Variants in PAX5 observed in about 807,000 individuals in gnomAD.
PAX5 encodes paired box protein Pax-5.
A neutral mutation model predicts 43.7 loss-of-function variants in PAX5; 9 were observed. That is an observed-to-expected ratio of 0.21 (90% CI 0.12 to 0.36). The LOEUF is 0.36. PAX5 is among the 10% of genes least tolerant of loss of function. PAX5 has a pLI of 1.00. For missense variants in PAX5, 383 were observed against 532.7 expected (o/e 0.72, Z 2.77); for synonymous variants, 228 against 214.3 (o/e 1.06, Z -0.56).
Position 36,834,316 on chromosome 9 carries a change from C to T in PAX5, c.*6244G>A, listed in dbSNP as rs1179574324. The T allele has an allele frequency of 1.3e-5, 3 of 233,336 alleles. No homozygotes were observed. Among genetic ancestry groups the T allele is most frequent in the South Asian group, 1.8e-4 (1 of 5,524 alleles). 14.5% of individuals were successfully genotyped at this position (233,336 alleles called of 1,614,324 possible). ...ACAGGCTGCTGCCGGGTCTGCTCAC[C>T]TTCTCTGACCCAAGTCGAAGACAGC... On this transcript the variant is annotated 3_prime_UTR_variant, in exon 10 of 10. Coordinates refer to ENST00000358127, the MANE Select transcript of PAX5 (RefSeq NM_016734.3).
At chr9:37,033,309 AC>A (rs1435755401) in intron 1 of PAX5, among the ~76,000 whole-genome samples, 1 of 152,208 alleles carries the variant, frequency 6.6e-6, no homozygotes, top group African/African-American at 2.4e-5. Context: ...TAGGCCCCAG[AC>A]CCACGTCTAG....
Position 36,836,237 on chromosome 9 carries a change from A to G in PAX5, c.*4323T>C. 1 of 233,556 alleles carries G rather than the reference A, an allele frequency of 4.3e-6. No homozygotes were observed. 14.5% of individuals were successfully genotyped at this position (233,556 alleles called of 1,614,324 possible). A position where few individuals can be genotyped will look rare whatever the true frequency, so the allele number is the denominator to read the frequency against. The stretch of plus-strand genomic sequence containing the variant: ...CCCAATCCCGTCCCCAGCGCCTCTG[A>G]CCTTCCACCCAACTCCATCTTCAAA... On this transcript the variant is annotated 3_prime_UTR_variant, in exon 10 of 10. Transcript: ENST00000358127.
At chr9:36,883,205 C>T (rs1167423208) in intron 7 of PAX5, among the ~76,000 whole-genome samples, 2 of 152,186 alleles carry the variant, frequency 1.3e-5, no homozygotes, top group Non-Finnish European at 2.9e-5. Flanking sequence ...CGGTGGGTTG[C>T]TCTCAGGGTC....
chr9:36,973,135 A>AAAAGGAAAGG lies in PAX5; in HGVS notation c.605-6421_605-6412dup, dbSNP rs1197914196. Among the ~76,000 whole-genome samples, 43 of 74,756 alleles carry AAAAGGAAAGG rather than the reference A, an allele frequency of 5.8e-4. 2 individuals carry two copies. Among genetic ancestry groups the AAAAGGAAAGG allele is most frequent in the South Asian group, 1.2e-3 (3 of 2,498 alleles). 49.0% of individuals were successfully genotyped at this position (74,756 alleles called of 152,430 possible). On this transcript the variant is annotated intron_variant, in intron 5 of 9. Coordinates refer to ENST00000358127, the MANE Select transcript of PAX5 (RefSeq NM_016734.3). ...GAAAGGAAAGGAAAGGAAAGGAAAG[A>AAAAGGAAAGG]AAAGGAAAGGAAAGGAAAGGAAAGG...
At chr9:36,950,947 G>C (rs1030335025) in intron 6 of PAX5, among the ~76,000 whole-genome samples, 9 of 151,884 alleles carry the variant, frequency 5.9e-5, no homozygotes, top group Admixed American at 5.3e-4. Flanking sequence ...TCACCATCTC[G>C]AGACCAAGCT....
At chr9:36,989,649 A>C (rs968284006) in intron 5 of PAX5, among the ~76,000 whole-genome samples, 1 of 152,162 alleles carries the variant, frequency 6.6e-6, no homozygotes, top group Admixed American at 6.5e-5. Flanking sequence ...GCATGTGTGC[A>C]TGTAGATCAC....
intron 6 of PAX5, among the ~76,000 whole-genome samples, chr9:36,932,432 T>C (rs1831207022): frequency 6.6e-6 from 1 of 152,226 alleles, no homozygotes; most frequent in African/African-American, 2.4e-5. Context: ...TGCTGATACA[T>C]GTTACAACAT....
At chr9:36,871,189 A>AG (rs1157543424) in intron 8 of PAX5, among the ~76,000 whole-genome samples, 2 of 152,222 alleles carry the variant, frequency 1.3e-5, no homozygotes, top group Non-Finnish European at 2.9e-5. Context: ...GCTGTGTGGC[A>AG]GGGGCTGAGG....
At chr9:36,968,919 A>G (rs10124216) in intron 5 of PAX5, among the ~76,000 whole-genome samples, 1,581 of 152,092 alleles carry the variant, frequency 0.01, 25 homozygotes, top group African/African-American at 0.035. Flanking sequence ...ACACACACAC[A>G]TGCACACACA....
intron 5 of PAX5, among the ~76,000 whole-genome samples, chr9:36,996,960 C>G (rs548012988): frequency 6.6e-6 from 1 of 151,946 alleles, no homozygotes; most frequent in African/African-American, 2.4e-5. Context: ...AGAGCTAGAC[C>G]GGGAGACAGA....
In PAX5 at chr9:36,836,493, A is replaced by G. The variant is rs1821649988; in HGVS notation, c.*4067T>C. 1 of 233,018 alleles carries G rather than the reference A, an allele frequency of 4.3e-6. No individual in the cohort carries two copies. Among genetic ancestry groups the G allele is most frequent in the East Asian group, 6.0e-5 (1 of 16,574 alleles). 14.4% of individuals were successfully genotyped at this position (233,018 alleles called of 1,614,324 possible). On this transcript the variant is annotated 3_prime_UTR_variant, in exon 10 of 10. Coordinates refer to ENST00000358127, the MANE Select transcript of PAX5 (RefSeq NM_016734.3). Reference sequence around the variant, plus strand: ...AGTGGGTCAAGTTTGGCCCATGGACATTTTTCTTTAGGCCGACAGAAAATT... The same window carrying G: ...AGTGGGTCAAGTTTGGCCCATGGACGTTTTTCTTTAGGCCGACAGAAAATT...
chr9:36,964,923 C>G (rs778683682), intron 6 of PAX5, among the ~76,000 whole-genome samples: 1 of 152,156 alleles, frequency 6.6e-6, no homozygotes, highest in Non-Finnish European at 1.5e-5. Flanking sequence ...CCAGGCCCAC[C>G]TCCCCAGCAT....
rs567983902 is a variant in PAX5, at chr9:36,837,663, C to T, written c.*2897G>A. 177 of 233,192 alleles carry T rather than the reference C, an allele frequency of 7.6e-4. No individual in the cohort carries two copies. Among genetic ancestry groups the T allele is most frequent in the Non-Finnish European group, 1.3e-3 (148 of 118,066 alleles). 14.4% of individuals were successfully genotyped at this position (233,192 alleles called of 1,614,324 possible). The stretch of plus-strand genomic sequence containing the variant: ...GCGGGCGTGTGTGTGTGAGAACATC[C>T]GTGTGCATCCATGTGCGCTTGTGCT... On this transcript the variant is annotated 3_prime_UTR_variant, in exon 10 of 10. Coordinates refer to ENST00000358127, the MANE Select transcript of PAX5 (RefSeq NM_016734.3).
At chr9:36,998,205 G>A (rs1023002246) in intron 5 of PAX5, among the ~76,000 whole-genome samples, 1 of 152,196 alleles carries the variant, frequency 6.6e-6, no homozygotes, top group Non-Finnish European at 1.5e-5. Context: ...ACCTGCTGCT[G>A]AAGAACAGTT....
chr9:36,895,554 C>T (rs1356739944), intron 7 of PAX5, among the ~76,000 whole-genome samples: 1 of 152,148 alleles, frequency 6.6e-6, no homozygotes, highest in Admixed American at 6.5e-5. Flanking sequence ...ATGATACCTC[C>T]TTAGACTGCT....
rs1821935013 is a variant in PAX5, at chr9:36,840,324, G to A, written c.*236C>T. On this transcript the variant is annotated 3_prime_UTR_variant, in exon 10 of 10. Transcript: ENST00000358127. ...GTCTATTGGTTTGCAGAGACCCAGT[G>A]GCCATCGGGAGAAGCTCATAGATTG... 3 of 606,928 alleles carry A rather than the reference G, an allele frequency of 4.9e-6. No individual in the cohort carries two copies. The highest frequency in any genetic ancestry group is 3.9e-5 in the South Asian group (2 of 51,262). The allele number at this position is 606,928 out of a possible 1,614,324, so 37.6% of individuals were successfully genotyped here.
chr9:36,982,579 C>G (rs764322984), intron 5 of PAX5, among the ~76,000 whole-genome samples: 5 of 152,118 alleles, frequency 3.3e-5, no homozygotes, highest in Non-Finnish European at 5.9e-5. Context: ...ATGGGGGGTC[C>G]TTCTCCTGGA....
At chr9:36,859,850 C>T (rs533219520) in intron 8 of PAX5, among the ~76,000 whole-genome samples, 19 of 151,338 alleles carry the variant, frequency 1.3e-4, no homozygotes, top group South Asian at 2.1e-4. Flanking sequence ...CTGGCTAACA[C>T]GGTGAAACCC....
chr9:36,838,179 G>A lies in PAX5; in HGVS notation c.*2381C>T. 4.3e-6 allele frequency: 1 copy of A among 233,412 alleles called. No individual in the cohort carries two copies. Among genetic ancestry groups the A allele is most frequent in the Non-Finnish European group, 8.5e-6 (1 of 118,190 alleles). 14.5% of individuals were successfully genotyped at this position (233,412 alleles called of 1,614,324 possible). ...AACTACCTCCCTTCTTTGCCCCGCA[G>A]GTTCTGGGTGGGGGCGGGGGTGCAT... On this transcript the variant is annotated 3_prime_UTR_variant, in exon 10 of 10. Coordinates refer to ENST00000358127, the MANE Select transcript of PAX5 (RefSeq NM_016734.3).
Sources: gnomAD v4.1 joint callset for allele counts (sites outside exome capture counted in the v4.1 genomes callset) on GRCh38, gnomAD v4.1.1 for gene constraint, MANE v1.5 for transcripts, NCBI Gene and HGNC (gene_info 2026-07-23, HGNC 2026-07-21) for gene names.